FAAH2: variants seen among roughly 807,000 people sequenced by gnomAD.
The protein encoded by FAAH2 is fatty-acid amide hydrolase 2.
A neutral mutation model predicts 36.9 loss-of-function variants in FAAH2; 60 were observed. That is an observed-to-expected ratio of 1.63 (90% CI 1.32 to 2.02). The LOEUF is 2.02. Among genes scored for constraint, FAAH2 ranks in the 30% most tolerant of loss-of-function variants. The probability of loss-of-function intolerance (pLI) is 0.00; values close to 1 mark genes in which losing one functional copy is unlikely to be tolerated. For synonymous variants in FAAH2, 214 were observed against 143.8 expected (o/e 1.49, Z -3.49); for missense variants, 689 against 397.5 (o/e 1.73, Z -6.23).
chrX:57,372,009 A>G (rs1602436990), intron 5 of FAAH2, among the ~76,000 whole-genome samples: 1 of 111,648 alleles, frequency 9.0e-6, no homozygotes, highest in Admixed American at 9.5e-5. Flanking sequence ...ATAATATTCC[A>G]TTGTGTATAT....
intron 10 of FAAH2, among the ~76,000 whole-genome samples, chrX:57,470,135 C>G (rs1462637414): frequency 9.0e-6 from 1 of 111,107 alleles, no homozygotes; most frequent in Non-Finnish European, 1.9e-5. Context: ...TAAATGCCCA[C>G]AAGAGAAAGC....
At chrX:57,266,835 G>T in the FAAH2 span, among the ~76,000 whole-genome samples, 2 of 112,567 alleles carry the variant, frequency 1.8e-5, no homozygotes, top group Non-Finnish European at 3.8e-5. Context: ...AGGGGGTTTA[G>T]TGCAAGAGCA....
chrX:57,372,296 C>G (rs1272490672), intron 5 of FAAH2, among the ~76,000 whole-genome samples: 2 of 111,009 alleles, frequency 1.8e-5, no homozygotes, highest in African/African-American at 6.5e-5. Flanking sequence ...TCTCTGCAGT[C>G]CTGCCAGCAT....
At chrX:57,442,624 T>A (rs1005481124) in intron 8 of FAAH2, among the ~76,000 whole-genome samples, 2 of 112,083 alleles carry the variant, frequency 1.8e-5, no homozygotes, top group East Asian at 5.6e-4. Context: ...AGGTTAGTAT[T>A]GTTATGTGTC....
chrX:57,259,511 G>A, the FAAH2 span, among the ~76,000 whole-genome samples: 1 of 112,067 alleles, frequency 8.9e-6, no homozygotes, highest in Non-Finnish European at 1.9e-5. Context: ...TTTATGCTCT[G>A]AGAATTAATC....
At chrX:57,485,742 G>T (rs770606991) in intron 10 of FAAH2, among the ~76,000 whole-genome samples, 1 of 110,907 alleles carries the variant, frequency 9.0e-6, no homozygotes, top group Non-Finnish European at 1.9e-5. Flanking sequence ...ATTTATTCAG[G>T]GTCCATAATT....
chrX:57,406,929 G>A (rs891076758), intron 7 of FAAH2, among the ~76,000 whole-genome samples: 2 of 112,819 alleles, frequency 1.8e-5, no homozygotes, highest in African/African-American at 3.2e-5. Context: ...TGCATCTGTG[G>A]CAATAGATGG....
chrX:57,384,520 G>C (rs2054957308), intron 7 of FAAH2, among the ~76,000 whole-genome samples: 1 of 110,720 alleles, frequency 9.0e-6, no homozygotes, highest in African/African-American at 3.3e-5. Context: ...CAAAGGATAT[G>C]AACAGACACT....
chrX:57,399,697 G>A (rs1178316189), intron 7 of FAAH2, among the ~76,000 whole-genome samples: 1 of 112,051 alleles, frequency 8.9e-6, no homozygotes, highest in Non-Finnish European at 1.9e-5. Flanking sequence ...ATCTCCTAAT[G>A]GCTTCCTGAT....
the FAAH2 span, among the ~76,000 whole-genome samples, chrX:57,260,740 G>A: frequency 9.1e-6 from 1 of 109,539 alleles, no homozygotes; most frequent in Non-Finnish European, 1.9e-5. Flanking sequence ...GGGATCAAAG[G>A]ATATGTGTGT....
At chrX:57,310,513 T>G in intron 2 of FAAH2, 80 bp from the exon 3 acceptor site, 2 of 1,028,314 alleles carry the variant, frequency 1.9e-6, no homozygotes, top group Non-Finnish European at 1.3e-6. Context: ...CATATTAACA[T>G]GTTGATATGG....
the FAAH2 span, among the ~76,000 whole-genome samples, chrX:57,216,634 A>ATACGTATATATATATACGTATATATATG: frequency 1.1e-5 from 1 of 93,456 alleles, no homozygotes; most frequent in African/African-American, 3.7e-5. Context: ...GTATATATAT[A>ATACGTATATATATATACGTATATATATG]TACGTATATA....
chrX:57,391,360 C>G (rs2055162854), intron 7 of FAAH2, among the ~76,000 whole-genome samples: 1 of 111,071 alleles, frequency 9.0e-6, no homozygotes, highest in South Asian at 3.7e-4. Flanking sequence ...GTTGCATTTG[C>G]TTTTGAGGTC....
intron 4 of FAAH2, among the ~76,000 whole-genome samples, chrX:57,336,923 AC>A (rs1308706674): frequency 9.4e-6 from 1 of 106,599 alleles, no homozygotes; most frequent in Non-Finnish European, 1.9e-5. Flanking sequence ...AGATAGAGAC[AC>A]AAAAAATCCT....
the FAAH2 span, among the ~76,000 whole-genome samples, chrX:57,231,853 C>T: frequency 1.8e-5 from 2 of 111,654 alleles, no homozygotes; most frequent in South Asian, 3.7e-4. Context: ...AGAACATAAA[C>T]ATTAGAGGTT....
At chrX:57,321,479 T>A (rs1368014600) in intron 3 of FAAH2, among the ~76,000 whole-genome samples, 1 of 109,644 alleles carries the variant, frequency 9.1e-6, no homozygotes, top group Non-Finnish European at 1.9e-5. Context: ...TAATAATAAT[T>A]ATTATTATAC....
At chrX:57,442,127 G>A (rs139114299) in intron 8 of FAAH2, among the ~76,000 whole-genome samples, 7,272 of 110,733 alleles carry the variant, frequency 0.066, 264 homozygotes, top group Admixed American at 0.14. Context: ...TATTAGGTCC[G>A]CTTGGTGCAG....
intron 7 of FAAH2, among the ~76,000 whole-genome samples, chrX:57,401,909 AG>A (rs1164487158): frequency 9.0e-6 from 1 of 111,415 alleles, no homozygotes; most frequent in African/African-American, 3.3e-5. Flanking sequence ...TAATTAGACA[AG>A]CATGTGAAAA....
chrX:57,451,600 A>G (rs1370709175), intron 10 of FAAH2, among the ~76,000 whole-genome samples: 1 of 111,522 alleles, frequency 9.0e-6, no homozygotes, highest in East Asian at 2.8e-4. Flanking sequence ...TTGAGTAAGT[A>G]TTACAATGGT....
Sources: gnomAD v4.1 joint callset for allele counts (sites outside exome capture counted in the v4.1 genomes callset) on GRCh38, gnomAD v4.1.1 for gene constraint, MANE v1.5 for transcripts, NCBI Gene and HGNC (gene_info 2026-07-23, HGNC 2026-07-21) for gene names.